Variants in GRIN2A observed in about 807,000 individuals in gnomAD.
GRIN2A encodes glutamate ionotropic receptor NMDA type subunit 2A, also known as glutamate receptor ionotropic, NMDA 2A.
GRIN2A carries 22 observed loss-of-function variants against 113.4 expected under a neutral mutation model. The ratio of observed to expected loss-of-function variants is 0.19; its 90% CI spans 0.14 to 0.28. The LOEUF (loss-of-function observed/expected upper bound fraction) is 0.28, where lower values mean the gene tolerates loss of function less well. GRIN2A is among the 10% of genes least tolerant of loss of function. GRIN2A has a pLI of 1.00. For synonymous variants in GRIN2A, 827 were observed against 738.4 expected, an observed-to-expected ratio of 1.12 and a Z score of -1.94; for missense variants, 1,502 against 1,887.0, an observed-to-expected ratio of 0.80 and a Z score of 3.78.
intron 2 of GRIN2A, among the ~76,000 whole-genome samples, chr16:10,099,535 G>A (rs2048353720): frequency 6.6e-6 from 1 of 152,090 alleles, no homozygotes; most frequent in African/African-American, 2.4e-5. Context: ...TGTGGAAGTT[G>A]GTGGTTTTTC....
chr16:10,002,770 C>T (rs946051833), intron 2 of GRIN2A, among the ~76,000 whole-genome samples: 5 of 152,138 alleles, frequency 3.3e-5, no homozygotes, highest in African/African-American at 9.7e-5. Context: ...ATCCAGAATT[C>T]AGGATTTTGT....
intron 2 of GRIN2A, among the ~76,000 whole-genome samples, chr16:10,124,152 T>C (rs1465497637): frequency 6.6e-6 from 1 of 152,144 alleles, no homozygotes; most frequent in Non-Finnish European, 1.5e-5. Flanking sequence ...CACTATATTG[T>C]CATAGTCTGA....
At chr16:10,111,824 GCA>G (rs2048620592) in intron 2 of GRIN2A, 2 of 1,257,138 alleles carry the variant, frequency 1.6e-6, no homozygotes. Context: ...ACTGAGATGG[GCA>G]CCATGGGGAG....
intron 2 of GRIN2A, among the ~76,000 whole-genome samples, chr16:10,120,573 C>A (rs1421456820): frequency 6.6e-6 from 1 of 151,658 alleles, no homozygotes; most frequent in Non-Finnish European, 1.5e-5. Flanking sequence ...TCTCTATTTT[C>A]TTTTCATTAA....
At chr16:9,920,052 T>C (rs762769787) in intron 3 of GRIN2A, among the ~76,000 whole-genome samples, 2 of 152,252 alleles carry the variant, frequency 1.3e-5, no homozygotes, top group Admixed American at 6.5e-5. Context: ...CAAATTGACA[T>C]TGCCTGTATT....
intron 10 of GRIN2A, among the ~76,000 whole-genome samples, chr16:9,806,054 C>A (rs1351863790): frequency 6.6e-6 from 1 of 152,202 alleles, no homozygotes; most frequent in East Asian, 1.9e-4. Context: ...ACAAAGGAAG[C>A]ATTTTTCAAA....
chr16:9,982,418 AATTCTACT>A (rs1186560887), intron 2 of GRIN2A, among the ~76,000 whole-genome samples: 1 of 152,216 alleles, frequency 6.6e-6, no homozygotes, highest in Non-Finnish European at 1.5e-5. Context: ...GGGATATTCC[AATTCTACT>A]ATTCCTTCTT....
chr16:10,133,372 C>T (rs1048224549), intron 2 of GRIN2A, among the ~76,000 whole-genome samples: 1 of 152,184 alleles, frequency 6.6e-6, no homozygotes, highest in Non-Finnish European at 1.5e-5. Flanking sequence ...TTTTGGGAGG[C>T]CAAGGCGGGT....
At chr16:9,812,103 G>A (rs527236618) in intron 10 of GRIN2A, among the ~76,000 whole-genome samples, 2 of 152,264 alleles carry the variant, frequency 1.3e-5, no homozygotes, top group African/African-American at 2.4e-5. Context: ...AATATTATGA[G>A]AACAGTCATA....
chr16:10,098,398 T>C (rs1278305287), intron 2 of GRIN2A, among the ~76,000 whole-genome samples: 1 of 152,210 alleles, frequency 6.6e-6, no homozygotes, highest in Admixed American at 6.5e-5. Flanking sequence ...AGTGTGGAGA[T>C]AGCTTAAATA....
chr16:9,946,873 A>G (rs1181672131), intron 2 of GRIN2A, among the ~76,000 whole-genome samples: 5 of 152,178 alleles, frequency 3.3e-5, no homozygotes, highest in Non-Finnish European at 7.3e-5. Flanking sequence ...GAGAGTTACC[A>G]AGTTCTGATA....
At chr16:9,951,601 T>C (rs1291548432) in intron 2 of GRIN2A, among the ~76,000 whole-genome samples, 6 of 152,120 alleles carry the variant, frequency 3.9e-5, no homozygotes, top group Non-Finnish European at 4.4e-5. Flanking sequence ...ACCATTACAA[T>C]TAAACTCTGA....
chr16:9,926,413 T>C (rs1047887843), intron 3 of GRIN2A, among the ~76,000 whole-genome samples: 1 of 152,346 alleles, frequency 6.6e-6, no homozygotes. Context: ...CAGTGCTTTA[T>C]ATGATTTCAC....
At chr16:9,994,135 C>T (rs756954343) in intron 2 of GRIN2A, among the ~76,000 whole-genome samples, 10 of 152,116 alleles carry the variant, frequency 6.6e-5, no homozygotes, top group Non-Finnish European at 1.2e-4. Context: ...TGTGAAATAC[C>T]TCCTTTCTCA....
chr16:10,082,407 G>T (rs1487011467), intron 2 of GRIN2A, among the ~76,000 whole-genome samples: 1 of 152,236 alleles, frequency 6.6e-6, no homozygotes, highest in African/African-American at 2.4e-5. Flanking sequence ...ATGTCCTTGT[G>T]TGATCTCCTC....
intron 2 of GRIN2A, among the ~76,000 whole-genome samples, chr16:10,060,694 A>T (rs1012444206): frequency 2.0e-5 from 3 of 152,214 alleles, no homozygotes; most frequent in Non-Finnish European, 2.9e-5. Context: ...TTCAACTTAC[A>T]GATGAGGAAA....
At chr16:9,989,989 C>T (rs1300356813) in intron 2 of GRIN2A, among the ~76,000 whole-genome samples, 1 of 152,160 alleles carries the variant, frequency 6.6e-6, no homozygotes, top group Non-Finnish European at 1.5e-5. Flanking sequence ...TCTCAAAGAA[C>T]TAAAAATAGA....
intron 2 of GRIN2A, among the ~76,000 whole-genome samples, chr16:9,939,362 C>T (rs535030419): frequency 9.2e-5 from 14 of 152,180 alleles, no homozygotes; most frequent in East Asian, 7.7e-4. Context: ...AGGAGGCGGA[C>T]GATACGATGT....
At chr16:9,995,419 G>T (rs1342936569) in intron 2 of GRIN2A, among the ~76,000 whole-genome samples, 1 of 152,208 alleles carries the variant, frequency 6.6e-6, no homozygotes, top group African/African-American at 2.4e-5. Context: ...AATCCCCTCA[G>T]GTTTAATAAA....
Sources: gnomAD v4.1 joint callset for allele counts (sites outside exome capture counted in the v4.1 genomes callset) on GRCh38, gnomAD v4.1.1 for gene constraint, MANE v1.5 for transcripts, NCBI Gene and HGNC (gene_info 2026-07-23, HGNC 2026-07-21) for gene names.